Variants in FBXL20 observed in about 807,000 individuals in gnomAD.
FBXL20 encodes F-box and leucine rich repeat protein 20.
FBXL20 carries 11 observed loss-of-function variants against 64.0 expected under a neutral mutation model. The observed-to-expected ratio is 0.17, with a 90% confidence interval of 0.11 to 0.28. FBXL20 has a LOEUF of 0.28. Ranked by LOEUF, FBXL20 falls within the 10% of genes least tolerant of loss-of-function variation. FBXL20 has a pLI of 1.00. For missense variants in FBXL20, 303 were observed against 526.2 expected, an observed-to-expected ratio of 0.58 and a Z score of 4.15; for synonymous variants, 184 against 189.0, an observed-to-expected ratio of 0.97 and a Z score of 0.22.
intron 1 of FBXL20, among the ~76,000 whole-genome samples, chr17:39,355,576 C>A (rs907146790): frequency 1.3e-5 from 2 of 151,536 alleles, no homozygotes; most frequent in Admixed American, 6.6e-5. Flanking sequence ...AACTCCTGGG[C>A]CGGGCGCGGT....
intron 1 of FBXL20, among the ~76,000 whole-genome samples, chr17:39,397,023 G>A (rs981719682): frequency 6.6e-6 from 1 of 151,650 alleles, no homozygotes; most frequent in Non-Finnish European, 1.5e-5. Context: ...TTGCCATGCT[G>A]CATTTTAAGA....
intron 2 of FBXL20, among the ~76,000 whole-genome samples, chr17:39,306,794 T>C (rs999796830): frequency 6.6e-6 from 1 of 152,206 alleles, no homozygotes; most frequent in African/African-American, 2.4e-5. Context: ...ATTTCTGATA[T>C]TTTGATTTTT....
intron 2 of FBXL20, among the ~76,000 whole-genome samples, chr17:39,337,976 G>A (rs905193398): frequency 2.2e-4 from 33 of 148,848 alleles, no homozygotes; most frequent in Admixed American, 5.3e-4. Context: ...GCCTCTGCCC[G>A]GCCGCCCCTA....
intron 6 of FBXL20, among the ~76,000 whole-genome samples, chr17:39,288,707 C>T (rs868823942): frequency 2.0e-5 from 3 of 151,498 alleles, no homozygotes; most frequent in South Asian, 2.1e-4. Flanking sequence ...TATCTTTAGA[C>T]GCATAATTTT....
chr17:39,274,343 G>A (rs2144365836), intron 10 of FBXL20, among the ~76,000 whole-genome samples: 1 of 152,308 alleles, frequency 6.6e-6, no homozygotes, highest in Non-Finnish European at 1.5e-5. Context: ...GATTGAGGCA[G>A]GCATACACAA....
intron 2 of FBXL20, among the ~76,000 whole-genome samples, chr17:39,330,656 TAAAGAAAAAG>T (rs931820230): frequency 7.9e-5 from 12 of 152,138 alleles, no homozygotes; most frequent in Admixed American, 3.3e-4. Flanking sequence ...AATTTGCTTT[TAAAGAAAAAG>T]AAAGAAAATG....
At chr17:39,299,784 A>AAAC (rs916978526) in intron 4 of FBXL20, among the ~76,000 whole-genome samples, 8 of 151,618 alleles carry the variant, frequency 5.3e-5, no homozygotes, top group South Asian at 2.1e-4. Context: ...CTCTGTCTCA[A>AAAC]AACAACAACA....
intron 1 of FBXL20, among the ~76,000 whole-genome samples, chr17:39,350,175 G>T (rs2047674162): frequency 2.6e-5 from 4 of 152,120 alleles, no homozygotes; most frequent in Admixed American, 2.6e-4. Flanking sequence ...ATTATATGTT[G>T]TTCACATGAC....
rs974093304 is a variant in FBXL20 at position 39,343,035 on chromosome 17, A to T, written c.104+145T>A. The T allele has an allele frequency of 2.5e-5, 13 of 511,950 alleles. No homozygotes were observed. In the Admixed American group the frequency reaches 2.8e-4, roughly 11 times the overall value. The allele number at this position is 511,950 out of a possible 1,614,324, so 31.7% of individuals were successfully genotyped here. A position where few individuals can be genotyped will look rare whatever the true frequency, so the allele number is the denominator to read the frequency against. On this transcript the variant is annotated intron_variant, in intron 2 of 14. Coordinates refer to ENST00000264658, the MANE Select transcript of FBXL20 (RefSeq NM_032875.3). ...CTTGATTGACATCTAAAAAATGCAG[A>T]GTAAGATTGTTCAAAGCAATCAAAT...
At chr17:39,330,991 A>C (rs2047454925) in intron 2 of FBXL20, among the ~76,000 whole-genome samples, 1 of 152,256 alleles carries the variant, frequency 6.6e-6, no homozygotes, top group African/African-American at 2.4e-5. Context: ...CTTGGGCCTC[A>C]AATCTTGTAG....
chr17:39,383,869 C>T (rs1211774904), intron 1 of FBXL20, among the ~76,000 whole-genome samples: 2 of 151,802 alleles, frequency 1.3e-5, no homozygotes, highest in African/African-American at 4.8e-5. Flanking sequence ...GGATTACAGG[C>T]GTGAGCCACC....
chr17:39,315,726 A>G (rs1045950080), intron 2 of FBXL20, among the ~76,000 whole-genome samples: 1 of 151,944 alleles, frequency 6.6e-6, no homozygotes, highest in Non-Finnish European at 1.5e-5. Flanking sequence ...TTAGAACCCA[A>G]GCAGGACTTT....
chr17:39,326,628 A>T lies in FBXL20; in HGVS notation c.104+16552T>A, dbSNP rs572045052. Among the ~76,000 whole-genome samples the T allele has an allele frequency of 3.1e-3, 475 of 151,268 alleles. 6 individuals are homozygous for T. In the South Asian group the frequency reaches 0.032, roughly 10 times the overall value. On this transcript the variant is annotated intron_variant, in intron 2 of 14. Coordinates refer to ENST00000264658, the MANE Select transcript of FBXL20 (RefSeq NM_032875.3). ...CAGAGCAAGACCCTATTTAAAAAAA[A>T]TTTTTTAGAGATGGAGTCTTGCTCT... is the stretch of plus-strand genomic sequence containing the variant.
chr17:39,305,921 A>C (rs1251062181), intron 2 of FBXL20, among the ~76,000 whole-genome samples: 2 of 151,712 alleles, frequency 1.3e-5, no homozygotes, highest in Non-Finnish European at 1.5e-5. Context: ...TGGGAGGTGG[A>C]GGTTGCAGTG....
chr17:39,312,020 T>G (rs942729739), intron 2 of FBXL20, among the ~76,000 whole-genome samples: 1 of 152,186 alleles, frequency 6.6e-6, no homozygotes, highest in African/African-American at 2.4e-5. Context: ...TTCTAAGTAT[T>G]AAGATGTCAT....
intron 2 of FBXL20, among the ~76,000 whole-genome samples, chr17:39,317,348 C>T (rs1360051980): frequency 6.6e-6 from 1 of 152,094 alleles, no homozygotes; most frequent in Non-Finnish European, 1.5e-5. Context: ...TCTCCTGCCT[C>T]AGCCTCCTGA....
Position 39,265,419 on chromosome 17 carries a change from T to C in FBXL20, c.968A>G (p.His323Arg). The change falls in exon 13 of 15, where the codon CAC (histidine) becomes CGC (arginine). Residue 323 changes from histidine (H) to arginine (R), a missense_variant. This residue lies in a region of FBXL20 where 246 missense variants were observed against 422.6 expected (regional missense o/e 0.58). Transcript: ENST00000264658. The stretch of plus-strand genomic sequence containing the variant: ...CACCAATACTTGAAGTCGAGGACAG[T>C]GTATAGAAAGTTGGATTAATGTGCT... The part of the protein sequence containing the change: ...TDSTLIQLSI[H>R]CPRLQVLSLS... The C allele has an allele frequency of 1.9e-6, 3 of 1,611,778 alleles. No individual in the cohort carries two copies. The highest frequency in any genetic ancestry group is 2.5e-6 in the Non-Finnish European group (3 of 1,178,094).
chr17:39,327,364 T>A (rs148175184), intron 2 of FBXL20, among the ~76,000 whole-genome samples: 1 of 152,294 alleles, frequency 6.6e-6, no homozygotes, highest in East Asian at 1.9e-4. Flanking sequence ...GTAAATCACT[T>A]TATGTGCTTT....
chr17:39,280,550 G>C (rs968110131), intron 9 of FBXL20, among the ~76,000 whole-genome samples: 4 of 148,206 alleles, frequency 2.7e-5, no homozygotes, highest in South Asian at 4.5e-4. Flanking sequence ...CTGGGTGACA[G>C]AGTAAGACTT....
Sources: gnomAD v4.1 joint callset for allele counts (sites outside exome capture counted in the v4.1 genomes callset) on GRCh38, gnomAD v4.1.1 for gene constraint, gnomAD v4.1.1 regional missense constraint, MANE v1.5 for transcripts, NCBI Gene and HGNC (gene_info 2026-07-23, HGNC 2026-07-21) for gene names.